MCTP1: variants seen among roughly 807,000 people sequenced by gnomAD.
MCTP1 encodes the protein multiple C2 and transmembrane domain containing 1.
MCTP1 carries 69 observed loss-of-function variants against 120.6 expected under a neutral mutation model. The ratio of observed to expected loss-of-function variants is 0.57; its 90% CI spans 0.47 to 0.70. The LOEUF is 0.70. Ranked by LOEUF, MCTP1 falls within the 30% of genes least tolerant of loss-of-function variation. The pLI is 0.00. For synonymous variants in MCTP1, 529 were observed against 493.1 expected (o/e 1.07, Z -0.96); for missense variants, 1,203 against 1,248.8 (o/e 0.96, Z 0.55).
intron 1 of MCTP1, among the ~76,000 whole-genome samples, chr5:95,164,795 A>G (rs1746132961): frequency 6.6e-6 from 1 of 152,210 alleles, no homozygotes; most frequent in Admixed American, 6.5e-5. Context: ...CAGTGATGCT[A>G]GCTGGATAAT....
intron 17 of MCTP1, among the ~76,000 whole-genome samples, chr5:94,849,541 G>C (rs986521240): frequency 6.6e-6 from 1 of 152,112 alleles, no homozygotes; most frequent in Non-Finnish European, 1.5e-5. Flanking sequence ...GTCTCACAGG[G>C]GGCAGGTAGT....
chr5:94,734,373 T>C (rs1188699515), intron 19 of MCTP1, among the ~76,000 whole-genome samples: 1 of 152,250 alleles, frequency 6.6e-6, no homozygotes, highest in Non-Finnish European at 1.5e-5. Flanking sequence ...AAAAAAACTC[T>C]GGTAAACATT....
At chr5:94,974,410 G>A (rs1358894185) in intron 2 of MCTP1, among the ~76,000 whole-genome samples, 1 of 151,858 alleles carries the variant, frequency 6.6e-6, no homozygotes, top group Non-Finnish European at 1.5e-5. Context: ...AATTAGCTGG[G>A]CATGGTGGTA....
rs1449972171 is a variant in MCTP1 at position 94,923,781 on chromosome 5, T to TGTA, written c.1272+180_1272+181insTAC. On this transcript the variant is annotated intron_variant, in intron 7 of 22. Transcript: ENST00000515393. Reference sequence around the variant, plus strand: ...TTCAATTTATGAAGTTCTTAATTTTTACAAGTGTAGAAATAAAAGTGAGTT... The same window carrying TGTA: ...TTCAATTTATGAAGTTCTTAATTTTTGTAACAAGTGTAGAAATAAAAGTGAGTT... Among the ~76,000 whole-genome samples the TGTA allele has an allele frequency of 2.0e-5, 3 of 152,314 alleles. No homozygotes were observed. In the East Asian group the frequency reaches 5.8e-4, roughly 29 times the overall value.
Position 95,049,984 on chromosome 5 carries a change from G to A in MCTP1, c.721-32500C>T, listed in dbSNP as rs192262075. On this transcript the variant is annotated intron_variant, in intron 1 of 22. Coordinates refer to ENST00000515393, the MANE Select transcript of MCTP1 (RefSeq NM_024717.7). ...CACTGTTATCTCTTTAGGCCCTCAG[G>A]GAGATTGGTGGGCAGGTAGGACCCC... Among the ~76,000 whole-genome samples the A allele has an allele frequency of 4.3e-3, 658 of 151,916 alleles. 3 individuals are homozygous for A. Among genetic ancestry groups the A allele is most frequent in the South Asian group, 0.016 (77 of 4,790 alleles).
chr5:95,203,226 T>C (rs1312629256), intron 1 of MCTP1, among the ~76,000 whole-genome samples: 1 of 152,224 alleles, frequency 6.6e-6, no homozygotes, highest in African/African-American at 2.4e-5. Context: ...TTTTGAACGT[T>C]ACTTCCAACT....
intron 1 of MCTP1, among the ~76,000 whole-genome samples, chr5:95,161,190 C>G (rs1250441161): frequency 6.6e-6 from 1 of 152,232 alleles, no homozygotes. Context: ...TGGAAGCAAC[C>G]TAGGTGTCCA....
chr5:95,207,989 GAA>G (rs1751850807), intron 1 of MCTP1, among the ~76,000 whole-genome samples: 8 of 98,060 alleles, frequency 8.2e-5, no homozygotes, highest in African/African-American at 2.6e-4. Flanking sequence ...GAGAGAGAGA[GAA>G]AGAGAGGGAG....
chr5:95,082,330 A>G (rs936524503), intron 1 of MCTP1, among the ~76,000 whole-genome samples: 5 of 152,188 alleles, frequency 3.3e-5, no homozygotes, highest in Non-Finnish European at 7.3e-5. Context: ...TGCTTTCTCC[A>G]CCACATGTTA....
intron 21 of MCTP1, 125 bp downstream of exon 21, chr5:94,710,693 T>C (rs1756598268): frequency 3.2e-6 from 2 of 618,966 alleles, no homozygotes; most frequent in Non-Finnish European, 5.6e-6. Context: ...ACCTGTCTCT[T>C]TTCATCATGG....
At chr5:94,956,808 G>C (rs374595351) in intron 2 of MCTP1, among the ~76,000 whole-genome samples, 1 of 152,210 alleles carries the variant, frequency 6.6e-6, no homozygotes, top group Non-Finnish European at 1.5e-5. Flanking sequence ...GTACCTGAAA[G>C]TGAAGGGGAG....
At chr5:95,219,473 T>A (rs1753439757) in intron 1 of MCTP1, among the ~76,000 whole-genome samples, 1 of 151,776 alleles carries the variant, frequency 6.6e-6, no homozygotes, top group South Asian at 2.1e-4. Flanking sequence ...AATAATAAAG[T>A]CATGTGTATC....
At chr5:94,795,523 C>T (rs1015735322) in intron 18 of MCTP1, among the ~76,000 whole-genome samples, 30 of 152,156 alleles carry the variant, frequency 2.0e-4, no homozygotes, top group Admixed American at 1.1e-3. Context: ...TAGGCAATGC[C>T]GGTGAGAATT....
chr5:94,718,982 A>G (rs1471269910), intron 19 of MCTP1, among the ~76,000 whole-genome samples: 1 of 152,204 alleles, frequency 6.6e-6, no homozygotes, highest in Non-Finnish European at 1.5e-5. Flanking sequence ...TGGCCTCCCA[A>G]AGTGCTGGGA....
intron 10 of MCTP1, among the ~76,000 whole-genome samples, chr5:94,905,534 T>C (rs546646310): frequency 6.6e-6 from 1 of 152,122 alleles, no homozygotes; most frequent in South Asian, 2.1e-4. Flanking sequence ...ATAGAGATGA[T>C]GAGCGGTCGA....
intron 11 of MCTP1, among the ~76,000 whole-genome samples, chr5:94,891,136 C>A (rs1802504876): frequency 6.6e-6 from 1 of 151,572 alleles, no homozygotes; most frequent in Non-Finnish European, 1.5e-5. Context: ...CATGAGTAAT[C>A]TCATAGCCTA....
chr5:95,176,327 C>G (rs1412214251), intron 1 of MCTP1, among the ~76,000 whole-genome samples: 5 of 152,048 alleles, frequency 3.3e-5, no homozygotes, highest in Admixed American at 3.3e-4. Context: ...GAGTTCGAGA[C>G]TAGCCTGGCC....
chr5:94,761,393 A>G (rs1416989378), intron 19 of MCTP1, among the ~76,000 whole-genome samples: 1 of 152,236 alleles, frequency 6.6e-6, no homozygotes, highest in Admixed American at 6.5e-5. Context: ...GCAAGATAAA[A>G]GAGTAATTAG....
intron 2 of MCTP1, among the ~76,000 whole-genome samples, chr5:94,988,268 G>T (rs1191858255): frequency 6.6e-6 from 1 of 151,810 alleles, no homozygotes; most frequent in African/African-American, 2.4e-5. Context: ...TTTAGGAAGA[G>T]AGATGTCTTT....
Sources: gnomAD v4.1 joint callset for allele counts (sites outside exome capture counted in the v4.1 genomes callset) on GRCh38, gnomAD v4.1.1 for gene constraint, MANE v1.5 for transcripts, NCBI Gene and HGNC (gene_info 2026-07-23, HGNC 2026-07-21) for gene names.